VGLL3: variants seen among roughly 807,000 people sequenced by gnomAD.
VGLL3 encodes transcription cofactor vestigial-like protein 3.
In VGLL3, 18 loss-of-function variants were observed where a neutral mutation model predicts 29.2. The observed-to-expected ratio is 0.62, with a 90% CI of 0.43 to 0.91. The LOEUF (loss-of-function observed/expected upper bound fraction) is 0.91. VGLL3 is among the 40% of genes least tolerant of loss of function. The pLI is 0.00. For synonymous variants in VGLL3, 180 were observed against 151.8 expected, an observed-to-expected ratio of 1.19 and a Z score of -1.36; for missense variants, 440 against 413.2, an observed-to-expected ratio of 1.06 and a Z score of -0.56.
intron 1 of VGLL3, among the ~76,000 whole-genome samples, chr3:86,979,466 G>C (rs1705278445): frequency 6.6e-6 from 1 of 152,034 alleles, no homozygotes; most frequent in South Asian, 2.1e-4. Context: ...TTATGGCTTA[G>C]TGAAAATATT....
intron 2 of VGLL3, among the ~76,000 whole-genome samples, chr3:86,976,697 C>T (rs886449974): frequency 1.3e-5 from 2 of 152,256 alleles, no homozygotes; most frequent in Non-Finnish European, 2.9e-5. Context: ...TGCACATTCA[C>T]AACATCCCAC....
chr3:86,968,672 A>G lies in VGLL3; in HGVS notation c.855T>C (p.Thr285=), dbSNP rs1705015387. The part of the protein sequence containing the change: ...PQCDITKTEP[T]TVTSATSAWA... ...ATGCTGAGGTAGCAGAGGTGACTGTAGTTGGTTCTGTCTTTGTGATGTCAC... is the reference window on the plus strand; with the variant it reads ...ATGCTGAGGTAGCAGAGGTGACTGTGGTTGGTTCTGTCTTTGTGATGTCAC... Residue 285 remains threonine (T), a synonymous_variant, in exon 3 of 4, where the codon ACT becomes ACC. Transcript: ENST00000398399. 2 of 1,614,050 alleles carry G rather than the reference A, an allele frequency of 1.2e-6. No individual in the cohort carries two copies. Among genetic ancestry groups the G allele is most frequent in the African/African-American group, 2.7e-5 (2 of 74,924 alleles).
chr3:86,986,796 A>G (rs1705451161), intron 1 of VGLL3, among the ~76,000 whole-genome samples: 1 of 152,148 alleles, frequency 6.6e-6, no homozygotes, highest in Non-Finnish European at 1.5e-5. Flanking sequence ...TCATTTGCTA[A>G]CTGGATATAC....
chr3:86,951,404 G>C (rs1420110937), intron 3 of VGLL3, among the ~76,000 whole-genome samples: 1 of 152,092 alleles, frequency 6.6e-6, no homozygotes, highest in Non-Finnish European at 1.5e-5. Flanking sequence ...TCTTTTATAA[G>C]GGCATTGATT....
Position 86,944,594 on chromosome 3 carries a change from T to C in VGLL3, c.*2430A>G, listed in dbSNP as rs1363704760. 2.0e-5 allele frequency: 3 copies of C among 152,252 alleles called. No homozygotes were observed. Among genetic ancestry groups the C allele is most frequent in the African/African-American group, 7.2e-5 (3 of 41,430 alleles). 9.4% of individuals were successfully genotyped at this position (152,252 alleles called of 1,614,324 possible). A position where few individuals can be genotyped will look rare whatever the true frequency, so the allele number is the denominator to read the frequency against. ...AGAGAGCTCACTTACAAATCTTTCC[T>C]GTGTACAGCAGAAACCAGGTTCCCA... On this transcript the variant is annotated 3_prime_UTR_variant, in exon 4 of 4. Coordinates refer to ENST00000398399, the MANE Select transcript of VGLL3 (RefSeq NM_016206.4).
At chr3:86,985,353 T>G (rs1297485256) in intron 1 of VGLL3, among the ~76,000 whole-genome samples, 1 of 152,076 alleles carries the variant, frequency 6.6e-6, no homozygotes, top group Non-Finnish European at 1.5e-5. Context: ...ACTTTTAGAG[T>G]CCCCCTACTG....
intron 1 of VGLL3, 174 bp downstream of exon 1, chr3:86,990,444 C>A: frequency 1.0e-6 from 1 of 978,386 alleles, no homozygotes; most frequent in Non-Finnish European, 1.2e-6. Flanking sequence ...CCCGTCCACC[C>A]TGCTGCTCTC....
At position 86,938,158 on chromosome 3, in the gene VGLL3, C is replaced by T. The variant is rs769885855; in HGVS notation, c.*8866G>A. 1.3e-5 allele frequency: 2 copies of T among 152,128 alleles called. No individual in the cohort carries two copies. The highest frequency in any genetic ancestry group is 2.9e-5 in the Non-Finnish European group (2 of 68,034). The allele number at this position is 152,128 out of a possible 1,614,324, so 9.4% of individuals were successfully genotyped here. ...CCCAGACTTACTGAGTTATAATTGA[C>T]ACATAAAAGTTATATATATTTAAGG... On this transcript the variant is annotated 3_prime_UTR_variant, in exon 4 of 4. Transcript: ENST00000398399.
At chr3:86,961,833 T>G in intron 3 of VGLL3, 2 of 703,712 alleles carry the variant, frequency 2.8e-6, no homozygotes, top group Non-Finnish European at 3.5e-6. Flanking sequence ...CAAAGCTAAA[T>G]GAGAAGTTAA....
At chr3:86,988,447 AC>A (rs1705497478) in intron 1 of VGLL3, among the ~76,000 whole-genome samples, 1 of 151,740 alleles carries the variant, frequency 6.6e-6, no homozygotes, top group East Asian at 1.9e-4. Flanking sequence ...TATTAGTCCC[AC>A]TTCACCCACG....
intron 3 of VGLL3, among the ~76,000 whole-genome samples, chr3:86,959,408 G>A (rs1203234765): frequency 6.6e-6 from 1 of 152,116 alleles, no homozygotes; most frequent in African/African-American, 2.4e-5. Flanking sequence ...GAATTCAGAT[G>A]GCTAATGTAT....
chr3:86,989,900 T>C (rs1273358232), intron 1 of VGLL3, among the ~76,000 whole-genome samples: 3 of 152,154 alleles, frequency 2.0e-5, no homozygotes, highest in African/African-American at 7.2e-5. Flanking sequence ...CGACCCCTTA[T>C]TATGGACATC....
chr3:86,980,618 C>T (rs1575878637), intron 1 of VGLL3, among the ~76,000 whole-genome samples: 1 of 151,946 alleles, frequency 6.6e-6, no homozygotes, highest in African/African-American at 2.4e-5. Context: ...ACCATAGAAA[C>T]ATATGGTATG....
intron 3 of VGLL3, chr3:86,962,498 ACT>A (rs967939114): frequency 1.0e-6 from 1 of 985,260 alleles, no homozygotes; most frequent in Admixed American, 6.1e-5. Flanking sequence ...CAAACCTCAA[ACT>A]CTACTATAAT....
At chr3:86,979,420 C>T (rs73844428) in intron 1 of VGLL3, among the ~76,000 whole-genome samples, 62 of 152,080 alleles carry the variant, frequency 4.1e-4, no homozygotes, top group African/African-American at 1.4e-3. Flanking sequence ...TTAGATGTTC[C>T]GTTTACCACC....
At chr3:86,986,575 A>C (rs1441340879) in intron 1 of VGLL3, among the ~76,000 whole-genome samples, 3 of 152,158 alleles carry the variant, frequency 2.0e-5, no homozygotes, top group Non-Finnish European at 4.4e-5. Context: ...GTCCTGTATA[A>C]ATTTTTATAA....
At chr3:86,947,552 A>T (rs1198734750) in intron 3 of VGLL3, among the ~76,000 whole-genome samples, 1 of 152,184 alleles carries the variant, frequency 6.6e-6, no homozygotes, top group Non-Finnish European at 1.5e-5. Context: ...GGATTACTAT[A>T]AACTATGTGA....
Position 86,939,043 on chromosome 3 carries a change from C to A in VGLL3, c.*7981G>T, listed in dbSNP as rs1359658423. 6.6e-6 allele frequency: 1 copy of A among 152,098 alleles called. No individual in the cohort carries two copies. The highest frequency in any genetic ancestry group is 6.6e-5 in the Admixed American group (1 of 15,266). 9.4% of individuals were successfully genotyped at this position (152,098 alleles called of 1,614,324 possible). A position where few individuals can be genotyped will look rare whatever the true frequency, so the allele number is the denominator to read the frequency against. ...TCATCTTACATAAGTAACACATAAC[C>A]CTTTGGATTCTGAAGCACTATAATA... On this transcript the variant is annotated 3_prime_UTR_variant, in exon 4 of 4. Transcript: ENST00000398399.
At chr3:86,980,072 G>A (rs7645797) in intron 1 of VGLL3, among the ~76,000 whole-genome samples, 13,812 of 150,864 alleles carry the variant, frequency 0.092, 1,703 homozygotes, top group African/African-American at 0.28. Context: ...TTCTAGTGAC[G>A]AAATGAGCTT....
Sources: allele counts gnomAD v4.1 joint callset (sites outside exome capture counted in the v4.1 genomes callset), GRCh38; gene constraint gnomAD v4.1.1; transcripts MANE v1.5; gene names NCBI Gene and HGNC (gene_info 2026-07-23, HGNC 2026-07-21).